MPRIP: variants seen among roughly 807,000 people sequenced by gnomAD.
MPRIP encodes myosin phosphatase Rho interacting protein, also known as myosin phosphatase Rho-interacting protein.
In MPRIP, 59 loss-of-function variants were observed where a neutral mutation model predicts 234.9. The observed-to-expected ratio is 0.25, with a 90% confidence interval of 0.20 to 0.31. The LOEUF is 0.31. MPRIP is among the 10% of genes least tolerant of loss of function. The probability of loss-of-function intolerance (pLI) is 1.00; values close to 1 mark genes in which losing one functional copy is unlikely to be tolerated. For missense variants in MPRIP, 2,436 were observed against 3,071.0 expected, an observed-to-expected ratio of 0.79 and a Z score of 4.89; for synonymous variants, 1,144 against 1,263.9, an observed-to-expected ratio of 0.91 and a Z score of 2.01.
chr17:17,092,135 A>G (rs1243364189), intron 3 of MPRIP, among the ~76,000 whole-genome samples: 3 of 152,152 alleles, frequency 2.0e-5, no homozygotes, highest in Non-Finnish European at 2.9e-5. Context: ...TTCTTCCACC[A>G]TATTCCCCAT....
At chr17:17,113,891 T>TC (rs1290274209) in intron 3 of MPRIP, among the ~76,000 whole-genome samples, 1 of 143,832 alleles carries the variant, frequency 7.0e-6, no homozygotes, top group Non-Finnish European at 1.5e-5. Context: ...TTTTCTTTTT[T>TC]TTTTTTTTTT....
In MPRIP at chr17:17,054,622, G is replaced by A. The variant is rs1356509070; in HGVS notation, c.123+11651G>A. On this transcript the variant is annotated intron_variant, in intron 1 of 23. Transcript: ENST00000651222. ...GTACAGAGAAAACCCACGGAGTCGT[G>A]AGAGCACACAAACTCCACACAGGCA... Among the ~76,000 whole-genome samples, 4 of 152,016 alleles carry A rather than the reference G, an allele frequency of 2.6e-5. No homozygotes were observed. In the East Asian group the frequency reaches 7.7e-4, roughly 29 times the overall value.
Position 17,164,957 on chromosome 17 carries a change from C to T in MPRIP, c.3366C>T (p.Ala1122=), listed in dbSNP as rs754907133. The T allele has an allele frequency of 6.1e-6, 8 of 1,303,450 alleles. No homozygotes were observed. In the South Asian group the frequency reaches 6.2e-5, roughly 10 times the overall value. 80.7% of individuals were successfully genotyped at this position (1,303,450 alleles called of 1,614,324 possible). A position where few individuals can be genotyped will look rare whatever the true frequency, so the allele number is the denominator to read the frequency against. The part of the protein sequence containing the change: ...QRFQELTERV[A]TSDEDVAELR... The stretch of plus-strand genomic sequence containing the variant: ...TCCAGGAGCTGACAGAGCGCGTGGC[C>T]ACGTCCGACGAGGATGTGGCTGAGC... Residue 1122 remains alanine, a synonymous_variant, in exon 16 of 24, where the codon GCC becomes GCT. Coordinates refer to ENST00000651222, the MANE Select transcript of MPRIP (RefSeq NM_001364716.4).
Position 17,151,293 on chromosome 17 carries a change from A to G in MPRIP, c.1719+1060A>G, listed in dbSNP as rs532791799. ...TACTGTCTTTACAATGAGTTTTATT[A>G]TAGAGAAAGTATGTAAGTCAGAACC... On this transcript the variant is annotated intron_variant, in intron 12 of 23. Transcript: ENST00000651222. Among the ~76,000 whole-genome samples the G allele has an allele frequency of 2.6e-5, 4 of 152,306 alleles. No homozygotes were observed. In the South Asian group the frequency reaches 8.3e-4, roughly 32 times the overall value.
intron 19 of MPRIP, among the ~76,000 whole-genome samples, chr17:17,174,282 G>A (rs1396052757): frequency 1.3e-5 from 2 of 152,256 alleles, no homozygotes; most frequent in South Asian, 2.1e-4. Flanking sequence ...ACATCACCGC[G>A]GATAGCTAGA....
chr17:17,053,877 C>T (rs1174756220), intron 1 of MPRIP, among the ~76,000 whole-genome samples: 5 of 152,226 alleles, frequency 3.3e-5, no homozygotes, highest in African/African-American at 1.2e-4. Context: ...AGTCAGTTTG[C>T]CTTGTGTGTG....
In MPRIP at chr17:17,160,849, C is replaced by T. The variant is rs551809115; in HGVS notation, c.2401-391C>T. Among the ~76,000 whole-genome samples the T allele has an allele frequency of 7.7e-4, 117 of 152,304 alleles. No individual in the cohort carries two copies. In the Middle Eastern group the frequency reaches 0.01, roughly 13 times the overall value. Reference sequence around the variant, plus strand: ...CCCCATGGGGTGCTTCCTCCAGATGCAGATGCAAAACCCTTGTTCCCCAGT... The same window carrying T: ...CCCCATGGGGTGCTTCCTCCAGATGTAGATGCAAAACCCTTGTTCCCCAGT... On this transcript the variant is annotated intron_variant, in intron 14 of 23. Coordinates refer to ENST00000651222, the MANE Select transcript of MPRIP (RefSeq NM_001364716.4).
intron 1 of MPRIP, among the ~76,000 whole-genome samples, chr17:17,056,971 A>G (rs7216705): frequency 0.046 from 6,991 of 152,252 alleles, 498 homozygotes; most frequent in African/African-American, 0.15. Flanking sequence ...CCTTGTATGG[A>G]TGGTAGACAG....
At chr17:17,147,645 G>A (rs2045503020) in intron 11 of MPRIP, among the ~76,000 whole-genome samples, 1 of 152,186 alleles carries the variant, frequency 6.6e-6, no homozygotes, top group Non-Finnish European at 1.5e-5. Flanking sequence ...CTTCGTCAAG[G>A]CCTTGAATTA....
chr17:17,053,368 A>G (rs931969996), intron 1 of MPRIP, among the ~76,000 whole-genome samples: 6 of 152,142 alleles, frequency 3.9e-5, no homozygotes, highest in Non-Finnish European at 8.8e-5. Flanking sequence ...CCTGATGAGG[A>G]TGCAGGAAGA....
chr17:17,109,680 T>A (rs188259438), intron 3 of MPRIP, among the ~76,000 whole-genome samples: 1 of 152,330 alleles, frequency 6.6e-6, no homozygotes, highest in East Asian at 1.9e-4. Context: ...TGAGCACACC[T>A]GCCATCCAGA....
chr17:17,154,228 A>G (rs1378094556), intron 12 of MPRIP, 78 bp from the exon 13 acceptor site: 1 of 1,250,912 alleles, frequency 8.0e-7, no homozygotes, highest in African/African-American at 1.5e-5. Context: ...TACCCAGTGC[A>G]GGGAGCTTCT....
At chr17:17,144,566 C>A (rs2045414695) in intron 9 of MPRIP, among the ~76,000 whole-genome samples, 1 of 152,152 alleles carries the variant, frequency 6.6e-6, no homozygotes, top group East Asian at 1.9e-4. Flanking sequence ...TGTTAAAGAT[C>A]TGCAAGCTAG....
At chr17:17,076,356 C>CT (rs1482499013) in intron 2 of MPRIP, 2 of 152,442 alleles carry the variant, frequency 1.3e-5, no homozygotes, top group African/African-American at 4.8e-5. Context: ...TCCTCACAAA[C>CT]TTTCTTACAG....
intron 3 of MPRIP, among the ~76,000 whole-genome samples, chr17:17,124,951 G>A (rs2090462515): frequency 6.6e-6 from 1 of 152,206 alleles, no homozygotes; most frequent in East Asian, 1.9e-4. Context: ...TGTGGCTGTG[G>A]CCATAGCACT....
intron 13 of MPRIP, among the ~76,000 whole-genome samples, chr17:17,155,295 T>C (rs1382349896): frequency 1.3e-5 from 2 of 151,888 alleles, no homozygotes; most frequent in Non-Finnish European, 2.9e-5. Flanking sequence ...TTCTGTTGCC[T>C]AGGCTAGAGT....
Position 17,065,583 on chromosome 17 carries a change from A to G in MPRIP, c.124-10127A>G, listed in dbSNP as rs933322233. Among the ~76,000 whole-genome samples, 86 of 152,126 alleles carry G rather than the reference A, an allele frequency of 5.7e-4. 1 individual carries two copies. The highest frequency in any genetic ancestry group is 5.2e-4 in the Admixed American group (8 of 15,276). On this transcript the variant is annotated intron_variant, in intron 1 of 23. Transcript: ENST00000651222. Reference sequence around the variant, plus strand: ...ACACAGTCTTCATTACTGTGGATATATAATAAGTCTTGTGATTGGGTAAAT... The same window carrying G: ...ACACAGTCTTCATTACTGTGGATATGTAATAAGTCTTGTGATTGGGTAAAT...
chr17:17,148,392 C>T (rs1412111668), intron 11 of MPRIP, among the ~76,000 whole-genome samples: 1 of 152,170 alleles, frequency 6.6e-6, no homozygotes, highest in African/African-American at 2.4e-5. Flanking sequence ...TGACCATCTG[C>T]ACTGATGGTG....
rs758512901 is a variant in MPRIP at position 17,126,730 on chromosome 17, A to G, written c.296A>G (p.Asn99Ser). Residue 99 changes from asparagine to serine, a missense_variant, in exon 4 of 24, where the codon AAC becomes AGC. Around this residue, in one of 4 missense-constraint regions of MPRIP, gnomAD observed 140 missense variants for 207.3 expected, o/e 0.68. Coordinates refer to ENST00000651222, the MANE Select transcript of MPRIP (RefSeq NM_001364716.4). ...MPTTLPQGTI[N>S]MNQCTDVVDG... ...ACGACCCTTCCTCAGGGCACCATCA[A>G]CATGAACCAGTGCACAGATGTGGTG... The G allele has an allele frequency of 5.0e-6, 8 of 1,613,892 alleles. No homozygotes were observed. The highest frequency in any genetic ancestry group is 1.7e-4 in the Middle Eastern group (1 of 6,004).
Sources: allele counts gnomAD v4.1 joint callset (sites outside exome capture counted in the v4.1 genomes callset), GRCh38; gene constraint gnomAD v4.1.1; regional missense constraint gnomAD v4.1.1; transcripts MANE v1.5; gene names NCBI Gene and HGNC (gene_info 2026-07-23, HGNC 2026-07-21).